The following AKT3 variants were observed in gnomAD, a reference collection of about 807,000 sequenced individuals.
The protein encoded by AKT3 is RAC-gamma serine/threonine-protein kinase.
AKT3 carries 15 observed loss-of-function variants against 65.3 expected under a neutral mutation model. The observed-to-expected ratio is 0.23, with a 90% CI of 0.15 to 0.35. The LOEUF (loss-of-function observed/expected upper bound fraction) is 0.35, where lower values mean the gene tolerates loss of function less well. Ranked by LOEUF, AKT3 falls within the 10% of genes least tolerant of loss-of-function variation. The pLI, the probability that AKT3 is intolerant of heterozygous loss-of-function variation, is 1.00. For missense variants in AKT3, 243 were observed against 576.5 expected (o/e 0.42, Z 5.92); for synonymous variants, 206 against 183.8 (o/e 1.12, Z -0.98).
chr1:243,717,444 T>C (rs1190978539), intron 2 of AKT3, among the ~76,000 whole-genome samples: 4 of 152,186 alleles, frequency 2.6e-5, no homozygotes, highest in Non-Finnish European at 5.9e-5. Context: ...AAAATTTAGT[T>C]TATCATTTTA....
rs115996055 is a variant in AKT3, at chr1:243,704,573, T to C, written c.47-8857A>G. ...CATCTCATGTGGATTCAGAAAAAGGTAGTCGATGATATTTGTTGGTTTGAC... is the reference window on the plus strand; with the variant it reads ...CATCTCATGTGGATTCAGAAAAAGGCAGTCGATGATATTTGTTGGTTTGAC... On this transcript the variant is annotated intron_variant, in intron 2 of 13. Coordinates refer to ENST00000673466, the MANE Select transcript of AKT3 (RefSeq NM_005465.7). 5.0e-3 allele frequency among the ~76,000 whole-genome samples: 755 copies of C among 152,234 alleles called. 6 individuals carry two copies. The highest frequency in any genetic ancestry group is 0.017 in the African/African-American group (697 of 41,554).
At chr1:243,581,308 T>C (rs909519137) in intron 8 of AKT3, among the ~76,000 whole-genome samples, 4 of 152,192 alleles carry the variant, frequency 2.6e-5, no homozygotes, top group Admixed American at 1.3e-4. Flanking sequence ...GAATTGGCCA[T>C]AGCCTGTGGC....
intron 12 of AKT3, among the ~76,000 whole-genome samples, chr1:243,526,671 C>T (rs1341972717): frequency 6.6e-6 from 1 of 150,816 alleles, no homozygotes; most frequent in Non-Finnish European, 1.5e-5. Flanking sequence ...AACTATCAAC[C>T]CACAATTTTA....
At chr1:243,614,804 C>T (rs769866042) in intron 7 of AKT3, among the ~76,000 whole-genome samples, 14 of 151,872 alleles carry the variant, frequency 9.2e-5, no homozygotes, top group Admixed American at 3.9e-4. Context: ...CCTTAAAATG[C>T]CAGAGGTAAT....
chr1:243,608,647 T>C (rs2148591641), intron 8 of AKT3, among the ~76,000 whole-genome samples: 2 of 152,240 alleles, frequency 1.3e-5, no homozygotes, highest in Middle Eastern at 6.8e-3. Flanking sequence ...CTAGTGTGAA[T>C]TGTTTACGTG....
chr1:243,512,602 G>C (rs1670089731), intron 12 of AKT3, among the ~76,000 whole-genome samples, 176 bp from the exon 13 acceptor site: 1 of 152,168 alleles, frequency 6.6e-6, no homozygotes, highest in Admixed American at 6.5e-5. Context: ...AAACCAACCG[G>C]TGGGTAATTG....
chr1:243,781,344 CA>C (rs2148308786), intron 2 of AKT3, among the ~76,000 whole-genome samples: 1 of 152,196 alleles, frequency 6.6e-6, no homozygotes, highest in South Asian at 2.1e-4. Flanking sequence ...ATTTCATATA[CA>C]ATGCTGTAAA....
intron 2 of AKT3, among the ~76,000 whole-genome samples, chr1:243,716,959 G>A (rs1228819422): frequency 2.0e-5 from 3 of 152,148 alleles, no homozygotes; most frequent in African/African-American, 4.8e-5. Flanking sequence ...AGATCTGGAA[G>A]GTGATTAAAT....
intron 13 of AKT3, among the ~76,000 whole-genome samples, chr1:243,493,741 A>C (rs977498916): frequency 2.6e-5 from 4 of 152,082 alleles, no homozygotes; most frequent in Admixed American, 6.6e-5. Context: ...GCATGGATCC[A>C]GCAGCCATAT....
chr1:243,741,436 A>C (rs1688149462), intron 2 of AKT3, among the ~76,000 whole-genome samples: 1 of 152,216 alleles, frequency 6.6e-6, no homozygotes, highest in South Asian at 2.1e-4. Context: ...ATTCTATCAT[A>C]CATATTTGTA....
chr1:243,720,881 C>T (rs1418896220), intron 2 of AKT3, among the ~76,000 whole-genome samples: 1 of 152,142 alleles, frequency 6.6e-6, no homozygotes, highest in African/African-American at 2.4e-5. Context: ...GTACTTGCCA[C>T]ACCATATTCT....
chr1:243,700,696 G>T (rs1175962358), intron 2 of AKT3, among the ~76,000 whole-genome samples: 3 of 151,994 alleles, frequency 2.0e-5, no homozygotes, highest in Admixed American at 2.0e-4. Context: ...TAGAGACAGG[G>T]TTTCACCATG....
chr1:243,809,375 C>T (rs1049525756), intron 2 of AKT3, among the ~76,000 whole-genome samples: 1 of 151,998 alleles, frequency 6.6e-6, no homozygotes, highest in African/African-American at 2.4e-5. Flanking sequence ...AAGGCAAGGG[C>T]TGCAATCCTA....
intron 8 of AKT3, among the ~76,000 whole-genome samples, chr1:243,603,196 T>C (rs115046493): frequency 0.015 from 2,249 of 152,288 alleles, 52 homozygotes; most frequent in African/African-American, 0.052. Flanking sequence ...GAAATTGCAC[T>C]GAACTCACTC....
At chr1:243,832,237 G>C (rs1694586274) in intron 2 of AKT3, among the ~76,000 whole-genome samples, 1 of 144,820 alleles carries the variant, frequency 6.9e-6, no homozygotes, top group East Asian at 2.1e-4. Context: ...TATCTTTCTA[G>C]ATAAGTGATT....
chr1:243,776,989 T>C (rs1248859857), intron 2 of AKT3, among the ~76,000 whole-genome samples: 1 of 152,136 alleles, frequency 6.6e-6, no homozygotes, highest in Non-Finnish European at 1.5e-5. Flanking sequence ...AGTAATACAA[T>C]GTAATAAGTG....
At chr1:243,548,229 T>C (rs1672810614) in intron 11 of AKT3, 1 of 152,230 alleles carries the variant, frequency 6.6e-6, no homozygotes. Flanking sequence ...CTTACACTTA[T>C]GTTGTAGTTT....
intron 3 of AKT3, among the ~76,000 whole-genome samples, chr1:243,679,983 T>C (rs1226169380): frequency 2.0e-5 from 3 of 152,206 alleles, no homozygotes; most frequent in African/African-American, 7.2e-5. Flanking sequence ...GCTGTAAAGA[T>C]TATTACATGT....
chr1:243,836,910 CAAAA>C (rs779727098), intron 2 of AKT3, among the ~76,000 whole-genome samples: 1 of 56,944 alleles, frequency 1.8e-5, no homozygotes. Context: ...GACTCCATCT[CAAAA>C]AAAAAAAAAA....
Sources: allele counts gnomAD v4.1 joint callset (sites outside exome capture counted in the v4.1 genomes callset), GRCh38; gene constraint gnomAD v4.1.1; transcripts MANE v1.5; gene names NCBI Gene and HGNC (gene_info 2026-07-23, HGNC 2026-07-21).